LIN52: variants seen among roughly 807,000 people sequenced by gnomAD.
LIN52 encodes protein lin-52 homolog.
LIN52 carries 4 observed loss-of-function variants against 18.5 expected under a neutral mutation model. The observed-to-expected ratio is 0.22, with a 90% confidence interval of 0.11 to 0.49. LIN52 has a LOEUF of 0.49. Among genes scored for constraint, LIN52 ranks in the 20% least tolerant of loss-of-function variants. The pLI is 0.97. For synonymous variants in LIN52, 34 were observed against 45.5 expected (o/e 0.75, Z 1.02); for missense variants, 102 against 139.5 (o/e 0.73, Z 1.35).
intron 3 of LIN52, among the ~76,000 whole-genome samples, chr14:74,097,433 T>C (rs2060821119): frequency 1.3e-5 from 2 of 150,404 alleles, no homozygotes; most frequent in African/African-American, 4.9e-5. Flanking sequence ...TTCTTTTTTT[T>C]TTTTTTTTTT....
At chr14:74,197,443 C>A (rs1189135343) in intron 5 of LIN52, among the ~76,000 whole-genome samples, 1 of 152,136 alleles carries the variant, frequency 6.6e-6, no homozygotes, top group Non-Finnish European at 1.5e-5. Context: ...GGATCTTTTG[C>A]CAAGGGAGAG....
chr14:74,120,906 G>A (rs1392793662), intron 5 of LIN52, among the ~76,000 whole-genome samples: 1 of 151,564 alleles, frequency 6.6e-6, no homozygotes, highest in African/African-American at 2.4e-5. Context: ...GCGAGACTCT[G>A]TCTCAAGAAA....
intron 5 of LIN52, among the ~76,000 whole-genome samples, chr14:74,191,216 A>G (rs1420212880): frequency 6.6e-6 from 1 of 152,226 alleles, no homozygotes; most frequent in Non-Finnish European, 1.5e-5. Flanking sequence ...TTCTCTGCCA[A>G]TCCACCAGAA....
At chr14:74,129,477 TAGATGA>T (rs2061048506) in intron 5 of LIN52, among the ~76,000 whole-genome samples, 1 of 152,084 alleles carries the variant, frequency 6.6e-6, no homozygotes, top group Non-Finnish European at 1.5e-5. Context: ...TGAGAGAGGA[TAGATGA>T]AGATCAGGTT....
intron 1 of LIN52, among the ~76,000 whole-genome samples, chr14:74,087,153 C>T (rs901736625): frequency 3.3e-5 from 5 of 152,102 alleles, no homozygotes; most frequent in South Asian, 4.2e-4. Context: ...TGGTGGCTCA[C>T]GCCTGTAATC....
At chr14:74,159,408 C>G (rs1333851886) in intron 5 of LIN52, among the ~76,000 whole-genome samples, 5 of 152,142 alleles carry the variant, frequency 3.3e-5, no homozygotes, top group Non-Finnish European at 7.3e-5. Context: ...ATATACGTAA[C>G]AGAGTACCAT....
At chr14:74,193,617 T>G (rs4899501) in intron 5 of LIN52, among the ~76,000 whole-genome samples, 17,066 of 152,326 alleles carry the variant, frequency 0.11, 1,259 homozygotes, top group Admixed American at 0.19. Flanking sequence ...ATTGCTTAAG[T>G]AAACTTTCTG....
intron 2 of LIN52, among the ~76,000 whole-genome samples, chr14:74,095,002 C>T (rs1294138482): frequency 2.0e-5 from 3 of 150,748 alleles, no homozygotes; most frequent in Non-Finnish European, 4.4e-5. Context: ...TTTTTAGAGA[C>T]AGAGGCTCAT....
In LIN52 at chr14:74,093,101, G is replaced by A. The variant is rs959187010; in HGVS notation, c.94+1795G>A. Among the ~76,000 whole-genome samples, 15 of 151,384 alleles carry A rather than the reference G, an allele frequency of 9.9e-5. 1 individual carries two copies. The highest frequency in any genetic ancestry group is 3.1e-4 in the African/African-American group (13 of 41,330). ...CGAGTAGCTGAGATTATAGGTGCCC[G>A]CCACAATGCTCAGCTAATTTTTGTA... On this transcript the variant is annotated intron_variant, in intron 2 of 5. Coordinates refer to ENST00000555028, the MANE Select transcript of LIN52 (RefSeq NM_001024674.3).
intron 5 of LIN52, among the ~76,000 whole-genome samples, chr14:74,116,287 A>G (rs1204729351): frequency 6.6e-6 from 1 of 151,308 alleles, no homozygotes; most frequent in Admixed American, 6.6e-5. Flanking sequence ...TGGGCAACAG[A>G]GTGAGACTCT....
chr14:74,130,295 T>TTTTTTC lies in LIN52; in HGVS notation c.283+29058_283+29059insTTTTCT, dbSNP rs1315000657. ...ATTTTTTGGTTTTTTTTTTTTTTTT[T>TTTTTTC]TGAGACAGTCTCGCTCTTTTGCCAA... On this transcript the variant is annotated intron_variant, in intron 5 of 5. Coordinates refer to ENST00000555028, the MANE Select transcript of LIN52 (RefSeq NM_001024674.3). Among the ~76,000 whole-genome samples, 4 of 140,366 alleles carry TTTTTTC rather than the reference T, an allele frequency of 2.8e-5. 1 individual carries two copies. The South Asian group carries it at 6.7e-4, about 23-fold the overall frequency. 92.1% of individuals were successfully genotyped at this position (140,366 alleles called of 152,430 possible).
At chr14:74,096,250 G>A (rs78305320) in intron 3 of LIN52, among the ~76,000 whole-genome samples, 4 of 151,970 alleles carry the variant, frequency 2.6e-5, no homozygotes, top group African/African-American at 7.3e-5. Flanking sequence ...TAGTAGAGAC[G>A]GGGTTCACCA....
At chr14:74,183,679 T>A (rs1169648093) in intron 5 of LIN52, among the ~76,000 whole-genome samples, 6 of 152,148 alleles carry the variant, frequency 3.9e-5, no homozygotes, top group Admixed American at 3.9e-4. Flanking sequence ...TCAAAAATGA[T>A]CAACTTTCTG....
At chr14:74,096,180 C>A (rs2060811344) in intron 3 of LIN52, among the ~76,000 whole-genome samples, 195 bp downstream of exon 3, 2 of 152,156 alleles carry the variant, frequency 1.3e-5, no homozygotes, top group African/African-American at 4.8e-5. Flanking sequence ...CCTGCCTCAG[C>A]CTCCTGAGTA....
intron 3 of LIN52, 138 bp downstream of exon 3, chr14:74,096,123 C>T (rs1399629505): frequency 1.3e-5 from 7 of 530,060 alleles, no homozygotes; most frequent in East Asian, 3.5e-5. Flanking sequence ...TGCAGTGGTA[C>T]GATCTCGGCT....
At chr14:74,156,148 GTCC>G (rs940678878) in intron 5 of LIN52, among the ~76,000 whole-genome samples, 1 of 152,238 alleles carries the variant, frequency 6.6e-6, no homozygotes, top group South Asian at 2.1e-4. Context: ...GATTTGCTTT[GTCC>G]TCCTATTTTA....
intron 5 of LIN52, among the ~76,000 whole-genome samples, chr14:74,134,013 C>T (rs913594298): frequency 6.6e-6 from 1 of 152,134 alleles, no homozygotes; most frequent in African/African-American, 2.4e-5. Flanking sequence ...TTCATCAGCT[C>T]CATTGGATTG....
At chr14:74,098,735 A>G (rs988207485) in intron 4 of LIN52, among the ~76,000 whole-genome samples, 2 of 151,994 alleles carry the variant, frequency 1.3e-5, no homozygotes, top group East Asian at 2.0e-4. Context: ...TTTAGTAGAG[A>G]TGGGGTTTCA....
intron 5 of LIN52, among the ~76,000 whole-genome samples, chr14:74,103,828 T>C (rs1225921902): frequency 7.5e-6 from 1 of 133,572 alleles, no homozygotes; most frequent in African/African-American, 2.7e-5. Flanking sequence ...GCTCAAGCAA[T>C]CAGCCCACCT....
Sources: allele counts gnomAD v4.1 joint callset (sites outside exome capture counted in the v4.1 genomes callset), GRCh38; gene constraint gnomAD v4.1.1; transcripts MANE v1.5; gene names NCBI Gene and HGNC (gene_info 2026-07-23, HGNC 2026-07-21).